HMOX2: variants seen among roughly 807,000 people sequenced by gnomAD.
HMOX2 encodes the protein heme oxygenase (decycling) 2.
A neutral mutation model predicts 33.7 loss-of-function variants in HMOX2; 30 were observed. The ratio of observed to expected loss-of-function variants is 0.89; its 90% CI spans 0.67 to 1.21. The LOEUF (loss-of-function observed/expected upper bound fraction) is 1.21, where lower values mean the gene tolerates loss of function less well. Among genes scored for constraint, HMOX2 ranks in the 50% most tolerant of loss-of-function variants. The pLI, the probability that HMOX2 is intolerant of heterozygous loss-of-function variation, is 0.00. For missense variants in HMOX2, 403 were observed against 399.1 expected (o/e 1.01, Z -0.08); for synonymous variants, 155 against 155.0 (o/e 1.00, Z 0.00).
At chr16:4,505,821 G>C (rs2058677488) in intron 2 of HMOX2, among the ~76,000 whole-genome samples, 1 of 152,232 alleles carries the variant, frequency 6.6e-6, no homozygotes, top group African/African-American at 2.4e-5. Flanking sequence ...CAAGGAGGCA[G>C]GGCAGGTGCT....
chr16:4,478,709 G>A lies in HMOX2; in HGVS notation c.-42+2222G>A, dbSNP rs1293236265. Among the ~76,000 whole-genome samples, 4 of 151,564 alleles carry A rather than the reference G, an allele frequency of 2.6e-5. No individual in the cohort carries two copies. The East Asian group carries it at 7.7e-4, about 29-fold the overall frequency. On this transcript the variant is annotated intron_variant, in intron 1 of 5. Transcript: ENST00000570646. ...GAACCTGGGAGGCAGAGGTTGCGAT[G>A]AGCCAAGATTGTGCCACTGCATTCC...
At chr16:4,505,724 T>C in intron 2 of HMOX2, 114 bp downstream of exon 2, 10 of 719,304 alleles carry the variant, frequency 1.4e-5, no homozygotes, top group Non-Finnish European at 2.3e-5. Context: ...CCATGAGCTC[T>C]GGACCCCTGG....
intron 1 of HMOX2, among the ~76,000 whole-genome samples, chr16:4,492,201 G>A (rs2058321649): frequency 6.6e-6 from 1 of 151,914 alleles, no homozygotes; most frequent in African/African-American, 2.4e-5. Context: ...TAGCATAGTG[G>A]TGCGCACATG....
At chr16:4,491,990 C>T (rs2058316833) in intron 1 of HMOX2, among the ~76,000 whole-genome samples, 1 of 151,958 alleles carries the variant, frequency 6.6e-6, no homozygotes, top group Admixed American at 6.6e-5. Flanking sequence ...CCCCCATATA[C>T]TTTCAAACAA....
intron 1 of HMOX2, among the ~76,000 whole-genome samples, chr16:4,497,840 C>T (rs541981012): frequency 6.6e-6 from 1 of 152,202 alleles, no homozygotes; most frequent in East Asian, 1.9e-4. Context: ...ACAAGTGATC[C>T]TTCTGCCTCA....
chr16:4,489,701 C>T (rs1045678271), intron 1 of HMOX2, among the ~76,000 whole-genome samples: 4 of 152,120 alleles, frequency 2.6e-5, no homozygotes, highest in Non-Finnish European at 4.4e-5. Context: ...TCAAGCTATC[C>T]ACCTGCCTTG....
intron 2 of HMOX2, among the ~76,000 whole-genome samples, chr16:4,505,954 C>T (rs2058681166): frequency 6.6e-6 from 1 of 152,308 alleles, no homozygotes; most frequent in East Asian, 1.9e-4. Context: ...CAGTCTTTTA[C>T]CACATAAAAG....
chr16:4,479,434 G>C (rs1357670620), intron 1 of HMOX2: 1 of 152,184 alleles, frequency 6.6e-6, no homozygotes, highest in Non-Finnish European at 1.5e-5. Context: ...GGACTGGCAG[G>C]GAAGATAGAG....
chr16:4,509,766 C>G lies in HMOX2; in HGVS notation c.*10C>G, dbSNP rs780782263. 1.9e-6 allele frequency: 3 copies of G among 1,610,156 alleles called. No homozygotes were observed. Among genetic ancestry groups the G allele is most frequent in the Non-Finnish European group, 2.5e-6 (3 of 1,178,514 alleles). On this transcript the variant is annotated 3_prime_UTR_variant, in exon 6 of 6. Coordinates refer to ENST00000570646, the MANE Select transcript of HMOX2 (RefSeq NM_002134.4). ...CTGGTACTACATGTGAAGCACCCAT[C>G]ATGCCACACCGGTACCCTCCTCCCG...
At chr16:4,479,084 G>C (rs748575224) in intron 1 of HMOX2, among the ~76,000 whole-genome samples, 22 of 152,176 alleles carry the variant, frequency 1.4e-4, no homozygotes, top group Non-Finnish European at 3.1e-4. Flanking sequence ...CTGGGAGGCA[G>C]AGGTTTCAGT....
intron 1 of HMOX2, among the ~76,000 whole-genome samples, chr16:4,486,323 C>T (rs778020398): frequency 6.6e-6 from 1 of 152,208 alleles, no homozygotes; most frequent in African/African-American, 2.4e-5. Flanking sequence ...CAAAGGACAG[C>T]GTGTCCCCAT....
intron 1 of HMOX2, among the ~76,000 whole-genome samples, chr16:4,484,424 T>G (rs889973379): frequency 6.6e-6 from 1 of 151,354 alleles, no homozygotes; most frequent in Admixed American, 6.6e-5. Flanking sequence ...CCCTCAAGGG[T>G]ACCAAGATCC....
intron 1 of HMOX2, among the ~76,000 whole-genome samples, chr16:4,489,781 T>G (rs1022733685): frequency 2.0e-5 from 3 of 151,894 alleles, no homozygotes; most frequent in African/African-American, 7.3e-5. Context: ...TTTTATAATT[T>G]TTGGGGGGAG....
rs1239476616 is a variant in HMOX2, at chr16:4,509,983, T to C, written c.*227T>C. 5.3e-6 allele frequency: 3 copies of C among 570,294 alleles called. No homozygotes were observed. Among genetic ancestry groups the C allele is most frequent in the South Asian group, 2.3e-5 (1 of 43,158 alleles). 35.3% of individuals were successfully genotyped at this position (570,294 alleles called of 1,614,324 possible). On this transcript the variant is annotated 3_prime_UTR_variant, in exon 6 of 6. Transcript: ENST00000570646. ...GTCACCCTGGGAGCAGTCGGCACAG[T>C]GCAGCAAGCCTGGCCCCCGACCCAG...
chr16:4,509,608 C>T (rs1274895849), intron 5 of HMOX2, 21 bp from the exon 6 acceptor site: 1 of 1,613,530 alleles, frequency 6.2e-7, no homozygotes, highest in Non-Finnish European at 8.5e-7. Context: ...TGCCATGTCT[C>T]CTATTGGTGC....
At chr16:4,501,807 C>T (rs2058565715) in intron 1 of HMOX2, among the ~76,000 whole-genome samples, 1 of 152,178 alleles carries the variant, frequency 6.6e-6, no homozygotes, top group Non-Finnish European at 1.5e-5. Context: ...GAATGCCACA[C>T]TGTGTGGCCA....
chr16:4,486,995 C>T (rs899210483), intron 1 of HMOX2, among the ~76,000 whole-genome samples: 2 of 152,088 alleles, frequency 1.3e-5, no homozygotes, highest in Non-Finnish European at 2.9e-5. Flanking sequence ...CGTGGTGGCC[C>T]ACGCCTGTAA....
intron 1 of HMOX2, among the ~76,000 whole-genome samples, chr16:4,491,960 G>A (rs1483810879): frequency 6.6e-6 from 1 of 152,036 alleles, no homozygotes; most frequent in Non-Finnish European, 1.5e-5. Flanking sequence ...GAGATTACAG[G>A]TGTGAGCCAC....
chr16:4,491,993 T>A (rs2058316886), intron 1 of HMOX2, among the ~76,000 whole-genome samples: 1 of 151,844 alleles, frequency 6.6e-6, no homozygotes, highest in Admixed American at 6.6e-5. Flanking sequence ...CCATATACTT[T>A]CAAACAAAAA....
Sources: gnomAD v4.1 joint callset for allele counts (sites outside exome capture counted in the v4.1 genomes callset) on GRCh38, gnomAD v4.1.1 for gene constraint, MANE v1.5 for transcripts, NCBI Gene and HGNC (gene_info 2026-07-23, HGNC 2026-07-21) for gene names.